AFF1: variants seen among roughly 807,000 people sequenced by gnomAD.
The protein encoded by AFF1 is ALF transcription elongation factor 1, also known as AF4/FMR2 family member 1.
Under a neutral mutation model 121.7 loss-of-function variants are expected in AFF1, and 48 were observed. That is an observed-to-expected ratio of 0.39 (90% CI 0.31 to 0.50). AFF1 has a LOEUF of 0.50. Ranked by LOEUF, AFF1 falls within the 20% of genes least tolerant of loss-of-function variation. The pLI is 0.76. For synonymous variants in AFF1, 613 were observed against 563.0 expected, an observed-to-expected ratio of 1.09 and a Z score of -1.26; for missense variants, 1,523 against 1,511.7, an observed-to-expected ratio of 1.01 and a Z score of -0.12.
At position 87,034,368 on chromosome 4, in the gene AFF1, G is replaced by C. The variant is rs544745049; in HGVS notation, c.39-11798G>C. Among the ~76,000 whole-genome samples, 4 of 152,348 alleles carry C rather than the reference G, an allele frequency of 2.6e-5. No homozygotes were observed. In the South Asian group the frequency reaches 8.3e-4, roughly 32 times the overall value. ...CTTTGAATGCTATAGCAAACCTGTG[G>C]AGGGCTTTCAGCAGTGGAAGGACCG... is the stretch of plus-strand genomic sequence containing the variant. On this transcript the variant is annotated intron_variant, in intron 2 of 20. Transcript: ENST00000395146.
chr4:87,055,518 A>T (rs1341740252), intron 4 of AFF1, among the ~76,000 whole-genome samples: 1 of 152,142 alleles, frequency 6.6e-6, no homozygotes, highest in Non-Finnish European at 1.5e-5. Context: ...GATCCCCCTG[A>T]GTCTCTCCAG....
At chr4:86,959,372 A>T (rs1041292409) in intron 2 of AFF1, among the ~76,000 whole-genome samples, 1 of 152,158 alleles carries the variant, frequency 6.6e-6, no homozygotes, top group African/African-American at 2.4e-5. Context: ...AGTTTACATT[A>T]AAAAAAGAAA....
In AFF1 at chr4:87,108,251, C is replaced by T. The variant is rs777982302; in HGVS notation, c.1469C>T (p.Ser490Leu). 2.5e-6 allele frequency: 4 copies of T among 1,614,126 alleles called. No individual in the cohort carries two copies. The highest frequency in any genetic ancestry group is 1.3e-5 in the African/African-American group (1 of 75,044). ...AGTGACTCAGACAGTTCCTCAGACTCAGAGAGCGAGAGCAGTTCAAGTGAC... is the reference window on the plus strand; with the variant it reads ...AGTGACTCAGACAGTTCCTCAGACTTAGAGAGCGAGAGCAGTTCAAGTGAC... ...STSDSDSSSD[S>L]ESESSSSDSE... The change falls in exon 11 of 21, where the codon TCA becomes TTA. Residue 490 changes from serine to leucine, a missense_variant. Ser to Leu is a moderately radical substitution (Grantham distance 145). Transcript: ENST00000395146.
rs1323804002 is a variant in AFF1, at chr4:86,995,645, G to A, written c.38+47074G>A. 5.6e-4 allele frequency among the ~76,000 whole-genome samples: 85 copies of A among 150,748 alleles called. 2 individuals carry two copies. Among genetic ancestry groups the A allele is most frequent in the Admixed American group, 4.2e-3 (64 of 15,170 alleles). ...GGTGCCCAGGCTGGAGTGCAGTGGT[G>A]TGATCTCGGCTCGCTACAACCTCCA... is the stretch of plus-strand genomic sequence containing the variant. On this transcript the variant is annotated intron_variant, in intron 2 of 20. Coordinates refer to ENST00000395146, the MANE Select transcript of AFF1 (RefSeq NM_001166693.3).
intron 12 of AFF1, among the ~76,000 whole-genome samples, chr4:87,123,186 GC>G (rs1727887752): frequency 6.6e-6 from 1 of 152,058 alleles, no homozygotes; most frequent in Non-Finnish European, 1.5e-5. Flanking sequence ...GAGCCACCGC[GC>G]CCAGCCTAAC....
rs772558063 is a variant in AFF1, at chr4:87,036,753, T to A, written c.39-9413T>A. On this transcript the variant is annotated intron_variant, in intron 2 of 20. Transcript: ENST00000395146. The stretch of plus-strand genomic sequence containing the variant: ...TATTAACTACCCCAGTTAAGAAACA[T>A]CAGCTACTGGTGTTTGAATGTTAGA... 42 of 504,674 alleles carry A rather than the reference T, an allele frequency of 8.3e-5. 1 individual carries two copies. Among genetic ancestry groups the A allele is most frequent in the South Asian group, 5.4e-4 (37 of 68,640 alleles). 31.3% of individuals were successfully genotyped at this position (504,674 alleles called of 1,614,324 possible).
chr4:86,980,786 A>G (rs1723676217), intron 2 of AFF1, among the ~76,000 whole-genome samples: 2 of 152,220 alleles, frequency 1.3e-5, no homozygotes, highest in South Asian at 2.1e-4. Context: ...TCCTGAATGT[A>G]CCTTGCTTTG....
intron 4 of AFF1, among the ~76,000 whole-genome samples, chr4:87,080,262 A>T (rs942313689): frequency 3.3e-5 from 5 of 152,216 alleles, no homozygotes; most frequent in African/African-American, 1.2e-4. Context: ...TGTCTATACC[A>T]TTGAGGAAAG....
chr4:87,089,864 T>A, intron 5 of AFF1, 120 bp from the exon 6 acceptor site: 1 of 645,692 alleles, frequency 1.5e-6, no homozygotes, highest in Non-Finnish European at 2.6e-6. Context: ...ATGAAATAAC[T>A]TTTAAGATTG....
At chr4:87,063,228 CTTTTTTTTTTTTTTT>C (rs569577993) in intron 4 of AFF1, among the ~76,000 whole-genome samples, 4 of 44,436 alleles carry the variant, frequency 9.0e-5, no homozygotes, top group East Asian at 1.7e-3. Context: ...AGATTCACCT[CTTTTTTTTTTTTTTT>C]TTTTTTTTTT....
chr4:87,053,198 G>A (rs1371145129), intron 4 of AFF1, among the ~76,000 whole-genome samples: 1 of 152,170 alleles, frequency 6.6e-6, no homozygotes, highest in African/African-American at 2.4e-5. Flanking sequence ...AGATCAGTCT[G>A]GCTTTGAGTC....
At chr4:87,007,038 C>T in intron 2 of AFF1, 4 of 1,172,678 alleles carry the variant, frequency 3.4e-6, no homozygotes, top group South Asian at 2.9e-5. Context: ...TGTTGCTGGG[C>T]AGGCGTTGGG....
intron 2 of AFF1, among the ~76,000 whole-genome samples, chr4:86,976,129 CAG>C (rs1013756196): frequency 6.6e-6 from 1 of 152,112 alleles, no homozygotes; most frequent in East Asian, 1.9e-4. Context: ...GAGGGGCACA[CAG>C]AGTTTTTATT....
At chr4:87,064,291 G>T (rs3822042) in intron 4 of AFF1, among the ~76,000 whole-genome samples, 125,583 of 152,270 alleles carry the variant, frequency 0.82, 52,113 homozygotes, top group African/African-American at 0.92. Flanking sequence ...TATTTTCATG[G>T]AATCTCTGAA....
intron 2 of AFF1, among the ~76,000 whole-genome samples, chr4:86,983,725 AAAAAAAC>A (rs1723969727): frequency 6.7e-6 from 1 of 149,382 alleles, no homozygotes; most frequent in African/African-American, 2.5e-5. Flanking sequence ...AAAACCAAAA[AAAAAAAC>A]AAAAAACAAA....
At chr4:87,057,265 G>A (rs1355318194) in intron 4 of AFF1, among the ~76,000 whole-genome samples, 1 of 152,064 alleles carries the variant, frequency 6.6e-6, no homozygotes, top group Non-Finnish European at 1.5e-5. Flanking sequence ...TGGGGAGATG[G>A]GCCTGGTGGC....
intron 1 of AFF1, among the ~76,000 whole-genome samples, chr4:86,941,057 G>C (rs1197319812): frequency 6.6e-6 from 1 of 152,036 alleles, no homozygotes; most frequent in African/African-American, 2.4e-5. Flanking sequence ...TTGTGCCACT[G>C]CACTCCAGCC....
intron 4 of AFF1, among the ~76,000 whole-genome samples, chr4:87,076,958 TCTC>T (rs1472437691): frequency 6.6e-6 from 1 of 152,232 alleles, no homozygotes; most frequent in Non-Finnish European, 1.5e-5. Flanking sequence ...GGCCTTTTAG[TCTC>T]CTCCTCTAAT....
chr4:87,031,174 G>A (rs917016618), intron 2 of AFF1, among the ~76,000 whole-genome samples: 3 of 152,038 alleles, frequency 2.0e-5, no homozygotes, highest in Non-Finnish European at 4.4e-5. Flanking sequence ...GCATGCTTTC[G>A]GACCCATCCT....
Sources: gnomAD v4.1 joint callset for allele counts (sites outside exome capture counted in the v4.1 genomes callset) on GRCh38, gnomAD v4.1.1 for gene constraint, MANE v1.5 for transcripts, NCBI Gene and HGNC (gene_info 2026-07-23, HGNC 2026-07-21) for gene names.